The following TESC variants were observed in gnomAD, a reference collection of about 807,000 sequenced individuals.
TESC encodes tescalcin.
TESC carries 19 observed loss-of-function variants against 31.0 expected under a neutral mutation model. The observed-to-expected ratio is 0.61, with a 90% CI of 0.43 to 0.90. TESC has a LOEUF of 0.90. Among genes scored for constraint, TESC ranks in the 40% least tolerant of loss-of-function variants. TESC has a pLI of 0.00. For missense variants in TESC, 248 were observed against 303.8 expected (o/e 0.82, Z 1.36); for synonymous variants, 109 against 114.8 (o/e 0.95, Z 0.32).
chr12:117,090,755 C>G lies in TESC; in HGVS notation c.58+8470G>C, dbSNP rs550064754. Among the ~76,000 whole-genome samples, 4 of 152,300 alleles carry G rather than the reference C, an allele frequency of 2.6e-5. No individual in the cohort carries two copies. The South Asian group carries it at 8.3e-4, about 32-fold the overall frequency. ...GGGATGCAGGCAAGGGCAAGAACCC[C>G]CTTAGAACTACCAGGTGGGTGAGGC... On this transcript the variant is annotated intron_variant, in intron 1 of 7. Coordinates refer to ENST00000335209, the MANE Select transcript of TESC (RefSeq NM_017899.4).
At chr12:117,050,232 A>T (rs1954628897) in intron 3 of TESC, among the ~76,000 whole-genome samples, 1 of 152,234 alleles carries the variant, frequency 6.6e-6, no homozygotes. Flanking sequence ...ATTGGCACAC[A>T]GCCATGCCCA....
At chr12:117,089,335 G>C (rs1955272338) in intron 1 of TESC, among the ~76,000 whole-genome samples, 1 of 152,180 alleles carries the variant, frequency 6.6e-6, no homozygotes, top group Non-Finnish European at 1.5e-5. Flanking sequence ...GGGCACACAG[G>C]AATCCTGTGG....
chr12:117,093,680 C>A lies in TESC; in HGVS notation c.58+5545G>T, dbSNP rs530608823. Among the ~76,000 whole-genome samples, 3 of 152,370 alleles carry A rather than the reference C, an allele frequency of 2.0e-5. No homozygotes were observed. The South Asian group carries it at 6.2e-4, about 32-fold the overall frequency. The stretch of plus-strand genomic sequence containing the variant: ...GTTCCTGGGAGGATTCCATCAGCTA[C>A]TGCGGATACGCTGCCTGGCTCAGCT... On this transcript the variant is annotated intron_variant, in intron 1 of 7. Coordinates refer to ENST00000335209, the MANE Select transcript of TESC (RefSeq NM_017899.4).
chr12:117,046,834 C>T lies in TESC; in HGVS notation c.354G>A (p.Leu118=). Residue 118 remains leucine, a synonymous_variant, in exon 5 of 8, where the codon CTG becomes CTA. Coordinates refer to ENST00000335209, the MANE Select transcript of TESC (RefSeq NM_017899.4). ...ELSRKEKLRF[L]FHMYDSDSDG... ...CGCTGTCCGAGTCGTACATGTGGAACAGAACTAGGGTGGCAGGGGAGAGAG... is the reference window on the plus strand; with the variant it reads ...CGCTGTCCGAGTCGTACATGTGGAATAGAACTAGGGTGGCAGGGGAGAGAG... 6.4e-7 allele frequency: 1 copy of T among 1,568,702 alleles called. No homozygotes were observed. Among genetic ancestry groups the T allele is most frequent in the Non-Finnish European group, 8.6e-7 (1 of 1,156,354 alleles).
In TESC at chr12:117,056,793, G is replaced by C; in HGVS notation, c.209+13C>G. ...GTGCCTGCCACTGGGCTGGTTCAGGGGAAAACGCCCACCTGTTGTCGAAGA... is the reference window on the plus strand; with the variant it reads ...GTGCCTGCCACTGGGCTGGTTCAGGCGAAAACGCCCACCTGTTGTCGAAGA... On this transcript the variant is annotated intron_variant, in intron 3 of 7. Transcript: ENST00000335209. 2 of 1,613,894 alleles carry C rather than the reference G, an allele frequency of 1.2e-6. No homozygotes were observed. The highest frequency in any genetic ancestry group is 1.7e-6 in the Non-Finnish European group (2 of 1,179,834).
intron 1 of TESC, among the ~76,000 whole-genome samples, chr12:117,087,258 G>C (rs978770918): frequency 1.3e-5 from 2 of 152,210 alleles, no homozygotes; most frequent in African/African-American, 4.8e-5. Context: ...CTGTCCTTCA[G>C]AGCAGCAGCA....
intron 6 of TESC, among the ~76,000 whole-genome samples, chr12:117,043,693 T>C (rs1052274000): frequency 2.0e-5 from 3 of 151,994 alleles, no homozygotes; most frequent in Non-Finnish European, 2.9e-5. Context: ...CTCGAACTCC[T>C]GACCTCAAGC....
intron 2 of TESC, among the ~76,000 whole-genome samples, chr12:117,070,975 TA>T (rs10716763): frequency 0.5 from 75,708 of 151,282 alleles, 19,528 homozygotes; most frequent in East Asian, 0.7. Flanking sequence ...TGTCAAAAAA[TA>T]AAAAAAAAGA....
chr12:117,098,766 A>C, intron 1 of TESC: 2 of 152,924 alleles, frequency 1.3e-5, no homozygotes, highest in Non-Finnish European at 2.9e-5. Flanking sequence ...TCTCCCGACT[A>C]AGGTCACCCG....
At chr12:117,060,656 C>T (rs531156786) in intron 2 of TESC, among the ~76,000 whole-genome samples, 50 of 152,216 alleles carry the variant, frequency 3.3e-4, no homozygotes, top group Non-Finnish European at 6.3e-4. Flanking sequence ...TTATCCACGA[C>T]GCTTCAGGCT....
chr12:117,039,357 C>G (rs1298856905), intron 7 of TESC, 147 bp from the exon 8 acceptor site: 2 of 744,516 alleles, frequency 2.7e-6, no homozygotes, highest in Admixed American at 2.4e-5. Flanking sequence ...GGCTGTGTTT[C>G]AAGACTATGA....
chr12:117,077,864 T>C (rs1955094390), intron 1 of TESC, among the ~76,000 whole-genome samples: 1 of 152,156 alleles, frequency 6.6e-6, no homozygotes, highest in Non-Finnish European at 1.5e-5. Flanking sequence ...CCGTACACTT[T>C]ACATAGTCGT....
intron 2 of TESC, among the ~76,000 whole-genome samples, chr12:117,065,520 T>C (rs1410730962): frequency 6.6e-6 from 1 of 152,114 alleles, no homozygotes; most frequent in Non-Finnish European, 1.5e-5. Flanking sequence ...GCGGCATGTC[T>C]TATTGGATAT....
chr12:117,059,474 G>A (rs1954772757), intron 2 of TESC, among the ~76,000 whole-genome samples: 3 of 152,314 alleles, frequency 2.0e-5, no homozygotes, highest in South Asian at 2.1e-4. Flanking sequence ...AGGTAGACTC[G>A]GGACAGCTGG....
At chr12:117,039,950 C>G (rs1380216454) in intron 7 of TESC, among the ~76,000 whole-genome samples, 4 of 152,226 alleles carry the variant, frequency 2.6e-5, no homozygotes, top group Non-Finnish European at 5.9e-5. Flanking sequence ...AGTCAGGGCC[C>G]ACGGGGGCCA....
At chr12:117,061,408 G>A (rs748396792) in intron 2 of TESC, among the ~76,000 whole-genome samples, 11 of 152,160 alleles carry the variant, frequency 7.2e-5, no homozygotes, top group Non-Finnish European at 1.3e-4. Context: ...TCCAGACCCT[G>A]GAAGGAGAGC....
intron 1 of TESC, among the ~76,000 whole-genome samples, chr12:117,085,489 C>A (rs755929597): frequency 6.6e-6 from 1 of 152,144 alleles, no homozygotes; most frequent in African/African-American, 2.4e-5. Context: ...AGCCTTCTCC[C>A]GTGCCCCAGG....
chr12:117,053,116 G>A (rs1350041205), intron 3 of TESC, among the ~76,000 whole-genome samples: 2 of 152,250 alleles, frequency 1.3e-5, no homozygotes, highest in African/African-American at 2.4e-5. Context: ...TTGTTTCAAC[G>A]TCCAACTTCT....
At chr12:117,056,727 T>C in intron 3 of TESC, 79 bp downstream of exon 3, 1 of 1,484,902 alleles carries the variant, frequency 6.7e-7, no homozygotes, top group Non-Finnish European at 9.4e-7. Flanking sequence ...CAAAGGGTCA[T>C]TCTAGGAAAC....
Sources: allele counts gnomAD v4.1 joint callset (sites outside exome capture counted in the v4.1 genomes callset), GRCh38; gene constraint gnomAD v4.1.1; transcripts MANE v1.5; gene names NCBI Gene and HGNC (gene_info 2026-07-23, HGNC 2026-07-21).